SLC25A12: variants seen among roughly 807,000 people sequenced by gnomAD.
The protein encoded by SLC25A12 is solute carrier family 25 member 12.
A neutral mutation model predicts 83.3 loss-of-function variants in SLC25A12; 32 were observed. The observed-to-expected ratio is 0.38, with a 90% CI of 0.29 to 0.52. SLC25A12 has a LOEUF of 0.52. SLC25A12 is among the 20% of genes least tolerant of loss of function. SLC25A12 has a pLI of 0.84. For synonymous variants in SLC25A12, 267 were observed against 291.1 expected (o/e 0.92, Z 0.84); for missense variants, 611 against 835.6 (o/e 0.73, Z 3.31).
Position 171,785,278 on chromosome 2 carries a change from T to C in SLC25A12, c.2033A>G (p.Gln678Arg). Residue 678 changes from glutamine (Q) to arginine (R), a missense_variant, in exon 18 of 18, where the codon CAG becomes CGG. Gln to Arg is a conservative substitution (Grantham distance 43). Coordinates refer to ENST00000422440, the MANE Select transcript of SLC25A12 (RefSeq NM_003705.5). ...CCACACTCAACAGTTGTCTCATCACTGAGTGGCTGCCACTGCTGCCTTTGG... is the reference window on the plus strand; with the variant it reads ...CCACACTCAACAGTTGTCTCATCACCGAGTGGCTGCCACTGCTGCCTTTGG... ...VQPKAAVAATQ is the reference protein window; with the variant it reads ...VQPKAAVAATR 6.2e-7 allele frequency: 1 copy of C among 1,614,158 alleles called. No individual in the cohort carries two copies.
chr2:171,865,706 T>C (rs1161572675), intron 3 of SLC25A12, among the ~76,000 whole-genome samples: 2 of 151,702 alleles, frequency 1.3e-5, no homozygotes, highest in African/African-American at 4.8e-5. Context: ...ATTTTTTTAA[T>C]GTAGACCAAA....
At chr2:171,886,376 A>G (rs141810189) in intron 2 of SLC25A12, among the ~76,000 whole-genome samples, 2,708 of 149,946 alleles carry the variant, frequency 0.018, 50 homozygotes, top group Admixed American at 0.067. Context: ...CTATAGGCTC[A>G]TGCCACCACC....
intron 2 of SLC25A12, among the ~76,000 whole-genome samples, chr2:171,875,927 A>AAG (rs1553476996): frequency 2.0e-5 from 3 of 149,900 alleles, no homozygotes; most frequent in Non-Finnish European, 4.4e-5. Flanking sequence ...AAAAAAAAAA[A>AAG]AAAGAAACCT....
intron 4 of SLC25A12, among the ~76,000 whole-genome samples, chr2:171,845,175 A>G (rs1043955322): frequency 2.0e-5 from 3 of 152,188 alleles, no homozygotes; most frequent in Admixed American, 6.5e-5. Context: ...ACTTTTAAAT[A>G]AAGAGCTAAA....
At chr2:171,795,436 C>G (rs1683578453) in intron 13 of SLC25A12, among the ~76,000 whole-genome samples, 1 of 152,098 alleles carries the variant, frequency 6.6e-6, no homozygotes, top group African/African-American at 2.4e-5. Context: ...AATGATAATC[C>G]AAGTAATTGC....
chr2:171,848,213 T>A (rs1346447472), intron 4 of SLC25A12: 3 of 471,026 alleles, frequency 6.4e-6, no homozygotes, highest in Non-Finnish European at 1.3e-5. Flanking sequence ...ACTGCCACCA[T>A]GCCTGTTCCA....
intron 15 of SLC25A12, chr2:171,788,865 G>A (rs186233944): frequency 6.6e-6 from 1 of 152,310 alleles, no homozygotes; most frequent in Admixed American, 6.5e-5. Context: ...TTTGGAGGCA[G>A]ACTTCTGAAT....
At chr2:171,829,278 T>TA (rs1328800268) in intron 8 of SLC25A12, among the ~76,000 whole-genome samples, 1 of 152,200 alleles carries the variant, frequency 6.6e-6, no homozygotes, top group Non-Finnish European at 1.5e-5. Context: ...AAAGGCAGTG[T>TA]AAATGGTCAG....
chr2:171,868,140 C>T (rs1573996148), intron 3 of SLC25A12, among the ~76,000 whole-genome samples: 1 of 151,980 alleles, frequency 6.6e-6, no homozygotes, highest in East Asian at 1.9e-4. Context: ...CCACCGCGCC[C>T]AGCCTGAATA....
intron 6 of SLC25A12, among the ~76,000 whole-genome samples, chr2:171,836,187 TAGG>T (rs3836021): frequency 0.25 from 38,358 of 151,700 alleles, 5,816 homozygotes; most frequent in Middle Eastern, 0.36. Flanking sequence ...GTGAAACGTG[TAGG>T]AGAAAGTGAC....
intron 13 of SLC25A12, among the ~76,000 whole-genome samples, chr2:171,808,843 C>CTA (rs1289643109): frequency 9.9e-5 from 15 of 151,502 alleles, no homozygotes; most frequent in African/African-American, 3.6e-4. Context: ...GCTATCTCTC[C>CTA]CCCAACCCCC....
At chr2:171,848,499 A>C (rs1312672005) in intron 4 of SLC25A12, among the ~76,000 whole-genome samples, 1 of 152,218 alleles carries the variant, frequency 6.6e-6, no homozygotes, top group Non-Finnish European at 1.5e-5. Flanking sequence ...TCCCACCATG[A>C]ATGGTGAATA....
intron 2 of SLC25A12, among the ~76,000 whole-genome samples, chr2:171,878,227 T>C (rs956122223): frequency 3.3e-5 from 5 of 152,096 alleles, no homozygotes; most frequent in Admixed American, 6.6e-5. Context: ...AAAACTTGGG[T>C]TCTAAACTCC....
chr2:171,803,810 T>TGCAC (rs138175059), intron 13 of SLC25A12, among the ~76,000 whole-genome samples: 1 of 148,426 alleles, frequency 6.7e-6, no homozygotes, highest in Non-Finnish European at 1.5e-5. Context: ...TTTAAAAAAA[T>TGCAC]ACACACACAC....
At chr2:171,882,177 C>A (rs1685708206) in intron 2 of SLC25A12, among the ~76,000 whole-genome samples, 1 of 152,138 alleles carries the variant, frequency 6.6e-6, no homozygotes, top group Non-Finnish European at 1.5e-5. Context: ...ATAAACAGTT[C>A]TTGGTTTTAA....
chr2:171,787,443 A>T, intron 17 of SLC25A12, 128 bp downstream of exon 17: 1 of 815,098 alleles, frequency 1.2e-6, no homozygotes, highest in Non-Finnish European at 2.2e-6. Flanking sequence ...CACTGTTTTA[A>T]ATGCATTGGT....
chr2:171,856,882 T>G (rs1001914233), intron 3 of SLC25A12, among the ~76,000 whole-genome samples: 4 of 152,216 alleles, frequency 2.6e-5, no homozygotes, highest in African/African-American at 7.2e-5. Flanking sequence ...TTAAGCATTA[T>G]CTTTTAGAGA....
intron 2 of SLC25A12, among the ~76,000 whole-genome samples, chr2:171,873,244 C>G (rs1254905815): frequency 6.6e-6 from 1 of 151,960 alleles, no homozygotes; most frequent in Non-Finnish European, 1.5e-5. Flanking sequence ...GTCAGGAGAT[C>G]GAGGCCATCC....
At chr2:171,845,275 C>G (rs527890217) in intron 4 of SLC25A12, among the ~76,000 whole-genome samples, 3 of 151,978 alleles carry the variant, frequency 2.0e-5, no homozygotes, top group African/African-American at 7.2e-5. Context: ...GCACTAACAA[C>G]GTTATTTACA....
Sources: gnomAD v4.1 joint callset for allele counts (sites outside exome capture counted in the v4.1 genomes callset) on GRCh38, gnomAD v4.1.1 for gene constraint, MANE v1.5 for transcripts, NCBI Gene and HGNC (gene_info 2026-07-23, HGNC 2026-07-21) for gene names.